Variants in DOCK7 observed in about 807,000 individuals in gnomAD.
DOCK7 encodes dedicator of cytokinesis 7, also known as dedicator of cytokinesis protein 7.
A neutral mutation model predicts 271.0 loss-of-function variants in DOCK7; 138 were observed. The ratio of observed to expected loss-of-function variants is 0.51; its 90% confidence interval spans 0.44 to 0.59. The LOEUF (loss-of-function observed/expected upper bound fraction) is 0.59. Among genes scored for constraint, DOCK7 ranks in the 20% least tolerant of loss-of-function variants. DOCK7 has a pLI of 0.00. For synonymous variants in DOCK7, 823 were observed against 876.1 expected (o/e 0.94, Z 1.07); for missense variants, 2,066 against 2,592.4 (o/e 0.80, Z 4.41).
intron 7 of DOCK7, chr1:62,641,790 C>A: frequency 3.7e-6 from 1 of 266,842 alleles, no homozygotes; most frequent in South Asian, 4.2e-5. Context: ...AATTATAGTA[C>A]AGTTTTTAAC....
At chr1:62,518,327 T>C (rs1644735269) in intron 31 of DOCK7, among the ~76,000 whole-genome samples, 1 of 151,874 alleles carries the variant, frequency 6.6e-6, no homozygotes, top group South Asian at 2.1e-4. Flanking sequence ...ATCCCAGCAC[T>C]TTGGGAGGTT....
At chr1:62,462,625 T>C (rs1645563106) in intron 48 of DOCK7, among the ~76,000 whole-genome samples, 1 of 152,166 alleles carries the variant, frequency 6.6e-6, no homozygotes, top group Non-Finnish European at 1.5e-5. Flanking sequence ...ATGAGTCAAC[T>C]GGATATCTGT....
chr1:62,512,635 C>T (rs906093694), intron 33 of DOCK7, among the ~76,000 whole-genome samples: 1 of 151,660 alleles, frequency 6.6e-6, no homozygotes, highest in African/African-American at 2.4e-5. Flanking sequence ...ACAGGCCAGA[C>T]GTGGTGGCTC....
intron 16 of DOCK7, 28 bp downstream of exon 16, chr1:62,583,156 C>T: frequency 6.3e-7 from 1 of 1,578,254 alleles, no homozygotes; most frequent in South Asian, 1.1e-5. Context: ...AAGTGAGTAA[C>T]TTTGAAAGAA....
chr1:62,462,914 CT>C (rs34400688), intron 48 of DOCK7, among the ~76,000 whole-genome samples: 12,374 of 79,240 alleles, frequency 0.16, 264 homozygotes, highest in South Asian at 0.24. Context: ...GTAGAAAAAG[CT>C]TTTTTTTTTT....
intron 1 of DOCK7, among the ~76,000 whole-genome samples, chr1:62,685,825 A>C (rs2149787771): frequency 6.6e-6 from 1 of 152,350 alleles, no homozygotes; most frequent in Middle Eastern, 3.4e-3. Flanking sequence ...CAGACTCCTC[A>C]GTCCGCCTCA....
chr1:62,456,896 A>G (rs1645364527), intron 49 of DOCK7, among the ~76,000 whole-genome samples: 1 of 152,306 alleles, frequency 6.6e-6, no homozygotes, highest in African/African-American at 2.4e-5. Flanking sequence ...GGGAATTTTG[A>G]GAGGAAACCA....
At chr1:62,564,113 A>G (rs1453748309) in intron 18 of DOCK7, among the ~76,000 whole-genome samples, 2 of 152,096 alleles carry the variant, frequency 1.3e-5, no homozygotes, top group African/African-American at 2.4e-5. Context: ...CTCCCACACA[A>G]TAACGGTGGG....
chr1:62,565,203 G>A (rs565843546), intron 18 of DOCK7, among the ~76,000 whole-genome samples: 1 of 152,214 alleles, frequency 6.6e-6, no homozygotes, highest in East Asian at 1.9e-4. Context: ...ATTTTATGAG[G>A]CCAGCATCAT....
chr1:62,653,273 T>C (rs934175229), intron 4 of DOCK7, among the ~76,000 whole-genome samples: 5 of 152,190 alleles, frequency 3.3e-5, no homozygotes, highest in African/African-American at 1.2e-4. Flanking sequence ...TTTACCTGAT[T>C]GGATGTAGAG....
At chr1:62,622,138 G>T (rs1306008350) in intron 12 of DOCK7, among the ~76,000 whole-genome samples, 2 of 152,182 alleles carry the variant, frequency 1.3e-5, no homozygotes, top group African/African-American at 4.8e-5. Context: ...ACATGACCAA[G>T]CTAGCCTGCT....
chr1:62,630,692 T>A (rs989276705), intron 11 of DOCK7, among the ~76,000 whole-genome samples: 19 of 152,018 alleles, frequency 1.2e-4, no homozygotes, highest in African/African-American at 4.1e-4. Flanking sequence ...TGTTTCCTCA[T>A]CAACATTATA....
chr1:62,543,863 TC>T, intron 23 of DOCK7, 118 bp from the exon 24 acceptor site: 1 of 619,792 alleles, frequency 1.6e-6, no homozygotes, highest in African/African-American at 1.8e-5. Context: ...TCAAAAACCA[TC>T]TATTTTATTG....
chr1:62,684,680 T>C (rs192654054), intron 1 of DOCK7, among the ~76,000 whole-genome samples: 91 of 152,286 alleles, frequency 6.0e-4, no homozygotes, highest in Non-Finnish European at 1.1e-3. Flanking sequence ...CCTAGACAAT[T>C]TGTCTACAGT....
At chr1:62,523,333 T>A (rs1176662507) in intron 31 of DOCK7, among the ~76,000 whole-genome samples, 2 of 152,078 alleles carry the variant, frequency 1.3e-5, no homozygotes, top group Non-Finnish European at 2.9e-5. Flanking sequence ...TAAACGGTGC[T>A]GAAATAATCT....
chr1:62,593,034 T>C (rs1232500604), intron 14 of DOCK7, among the ~76,000 whole-genome samples: 2 of 152,132 alleles, frequency 1.3e-5, no homozygotes, highest in African/African-American at 2.4e-5. Flanking sequence ...TATGCAGCTA[T>C]TAAAAAGGAC....
In DOCK7 at chr1:62,688,214, G is replaced by A. The variant is rs1252604426; in HGVS notation, c.38+13C>T. 1.5e-6 allele frequency: 2 copies of A among 1,378,164 alleles called. No homozygotes were observed. Among genetic ancestry groups the A allele is most frequent in the African/African-American group, 1.5e-5 (1 of 66,568 alleles). The allele number at this position is 1,378,164 out of a possible 1,614,324, so 85.4% of individuals were successfully genotyped here. On this transcript the variant is annotated intron_variant, in intron 1 of 49. Coordinates refer to ENST00000635253, the MANE Select transcript of DOCK7 (RefSeq NM_001367561.1). Reference sequence around the variant, plus strand: ...GGGCGGCGGCGGCGGCGCGCCCCACGCCGGATATTTACCTGCTGATCTTCT... The same window carrying A: ...GGGCGGCGGCGGCGGCGCGCCCCACACCGGATATTTACCTGCTGATCTTCT...
intron 18 of DOCK7, among the ~76,000 whole-genome samples, chr1:62,572,427 T>A (rs990035): frequency 0.029 from 4,427 of 152,282 alleles, 231 homozygotes; most frequent in African/African-American, 0.1. Context: ...ATTATTCTCA[T>A]TTTACAGATG....
intron 1 of DOCK7, 146 bp from the exon 2 acceptor site, chr1:62,663,276 A>G: frequency 1.6e-6 from 1 of 632,956 alleles, no homozygotes; most frequent in Non-Finnish European, 2.7e-6. Context: ...AATTCGTAAA[A>G]TATTTTAGGA....
Sources: allele counts gnomAD v4.1 joint callset (sites outside exome capture counted in the v4.1 genomes callset), GRCh38; gene constraint gnomAD v4.1.1; transcripts MANE v1.5; gene names NCBI Gene and HGNC (gene_info 2026-07-23, HGNC 2026-07-21).